Variants in SPOCK3 observed in about 807,000 individuals in gnomAD.
The protein encoded by SPOCK3 is SPARC (osteonectin), cwcv and kazal like domains proteoglycan 3.
Under a neutral mutation model 56.6 loss-of-function variants are expected in SPOCK3, and 30 were observed. That is an observed-to-expected ratio of 0.53 (90% CI 0.40 to 0.72). SPOCK3 has a LOEUF of 0.72. SPOCK3 is among the 30% of genes least tolerant of loss of function. The pLI is 0.00. For synonymous variants in SPOCK3, 196 were observed against 183.3 expected, an observed-to-expected ratio of 1.07 and a Z score of -0.56; for missense variants, 527 against 530.0, an observed-to-expected ratio of 0.99 and a Z score of 0.06.
intron 3 of SPOCK3, among the ~76,000 whole-genome samples, chr4:167,047,589 G>A (rs1753842411): frequency 6.6e-6 from 1 of 152,224 alleles, no homozygotes; most frequent in South Asian, 2.1e-4. Flanking sequence ...TAACATTATT[G>A]ACCTAAACTT....
chr4:166,880,584 T>C (rs973493154), intron 6 of SPOCK3, among the ~76,000 whole-genome samples: 3 of 152,180 alleles, frequency 2.0e-5, no homozygotes, highest in Admixed American at 2.0e-4. Context: ...TTAAAAACAC[T>C]GTGTCCAATA....
chr4:166,987,208 G>T (rs541840357), intron 4 of SPOCK3, among the ~76,000 whole-genome samples: 3 of 152,144 alleles, frequency 2.0e-5, no homozygotes, highest in African/African-American at 7.2e-5. Flanking sequence ...CCATTTTACT[G>T]TTTTATGGGA....
chr4:167,110,780 T>C (rs1760837967), intron 2 of SPOCK3, among the ~76,000 whole-genome samples: 1 of 151,996 alleles, frequency 6.6e-6, no homozygotes, highest in Non-Finnish European at 1.5e-5. Flanking sequence ...TATAGTTAAA[T>C]ATCTCTAAAA....
At chr4:166,736,700 G>GGTGT (rs144256250) in intron 10 of SPOCK3, among the ~76,000 whole-genome samples, 1 of 150,086 alleles carries the variant, frequency 6.7e-6, no homozygotes, top group Non-Finnish European at 1.5e-5. Context: ...ATTAATTCCT[G>GGTGT]GTGTGTGTGT....
chr4:167,205,380 AAT>A (rs1554053261), intron 2 of SPOCK3, among the ~76,000 whole-genome samples: 1 of 38,342 alleles, frequency 2.6e-5, no homozygotes, highest in Non-Finnish European at 4.2e-5. Flanking sequence ...TTATATATAT[AAT>A]ATATATATTT....
chr4:167,187,872 C>T (rs1228921996), intron 2 of SPOCK3, among the ~76,000 whole-genome samples: 1 of 152,002 alleles, frequency 6.6e-6, no homozygotes. Flanking sequence ...CTTTATTGTG[C>T]CTTAGATAAT....
intron 2 of SPOCK3, among the ~76,000 whole-genome samples, chr4:167,137,703 A>G (rs1376932024): frequency 2.0e-5 from 3 of 151,878 alleles, no homozygotes. Flanking sequence ...TAATAGGCAA[A>G]ATACAGAAAA....
intron 2 of SPOCK3, among the ~76,000 whole-genome samples, chr4:167,170,518 A>G (rs896622465): frequency 6.6e-6 from 1 of 152,160 alleles, no homozygotes; most frequent in South Asian, 2.1e-4. Context: ...CTTTACTTGT[A>G]TTAACTCATT....
At chr4:167,127,958 A>G (rs912274190) in intron 2 of SPOCK3, among the ~76,000 whole-genome samples, 3 of 152,204 alleles carry the variant, frequency 2.0e-5, no homozygotes, top group African/African-American at 7.2e-5. Flanking sequence ...TAGACGTTTA[A>G]TAGCTCCCTT....
intron 4 of SPOCK3, among the ~76,000 whole-genome samples, chr4:166,998,207 A>G (rs1748588552): frequency 6.6e-6 from 1 of 152,180 alleles, no homozygotes; most frequent in Admixed American, 6.6e-5. Flanking sequence ...ATTTATAAAT[A>G]GTCTCTATCA....
chr4:167,175,881 T>C (rs1454004276), intron 2 of SPOCK3, among the ~76,000 whole-genome samples: 1 of 152,148 alleles, frequency 6.6e-6, no homozygotes, highest in Non-Finnish European at 1.5e-5. Context: ...AAAATCTGTT[T>C]AGTGTATTGT....
intron 6 of SPOCK3, among the ~76,000 whole-genome samples, chr4:166,845,535 G>A (rs575656079): frequency 3.9e-5 from 6 of 152,194 alleles, no homozygotes; most frequent in Admixed American, 3.3e-4. Flanking sequence ...GTGATTGAAG[G>A]AATTTTGAAG....
intron 2 of SPOCK3, among the ~76,000 whole-genome samples, chr4:167,093,558 C>A (rs902667766): frequency 1.3e-5 from 2 of 152,168 alleles, no homozygotes; most frequent in South Asian, 4.1e-4. Flanking sequence ...TTTTCTGTTC[C>A]TGTGTTAGTT....
intron 2 of SPOCK3, among the ~76,000 whole-genome samples, chr4:167,116,767 CAT>C (rs1185367043): frequency 3.8e-5 from 5 of 131,874 alleles, no homozygotes; most frequent in South Asian, 2.3e-4. Context: ...TATATACACA[CAT>C]ATAGTATATA....
intron 4 of SPOCK3, among the ~76,000 whole-genome samples, chr4:166,991,038 T>A (rs529590610): frequency 1.1e-3 from 160 of 152,272 alleles, no homozygotes; most frequent in African/African-American, 3.7e-3. Context: ...ATGCACATTT[T>A]GTTACAGCTT....
At chr4:166,973,349 G>A (rs1171444830) in intron 4 of SPOCK3, among the ~76,000 whole-genome samples, 2 of 152,114 alleles carry the variant, frequency 1.3e-5, no homozygotes, top group Non-Finnish European at 2.9e-5. Flanking sequence ...TTACTGTAGT[G>A]TGAAAGTGAA....
At chr4:166,919,379 A>G (rs1017791707) in intron 4 of SPOCK3, among the ~76,000 whole-genome samples, 1 of 152,198 alleles carries the variant, frequency 6.6e-6, no homozygotes, top group African/African-American at 2.4e-5. Context: ...CTTGAATAAT[A>G]TATGCTGTCA....
At chr4:167,195,611 T>C (rs1438295778) in intron 2 of SPOCK3, among the ~76,000 whole-genome samples, 1 of 152,180 alleles carries the variant, frequency 6.6e-6, no homozygotes, top group Non-Finnish European at 1.5e-5. Flanking sequence ...TAGTATTTAC[T>C]GTGGAACCAA....
intron 3 of SPOCK3, among the ~76,000 whole-genome samples, chr4:167,012,678 C>T (rs1750203736): frequency 6.6e-6 from 1 of 151,928 alleles, no homozygotes; most frequent in Non-Finnish European, 1.5e-5. Flanking sequence ...ACATAGCCAT[C>T]TTTCATTTGT....
Sources: allele counts gnomAD v4.1 joint callset (sites outside exome capture counted in the v4.1 genomes callset), GRCh38; gene constraint gnomAD v4.1.1; transcripts MANE v1.5; gene names NCBI Gene and HGNC (gene_info 2026-07-23, HGNC 2026-07-21).